The following PXDN variants were observed in gnomAD, a reference collection of about 807,000 sequenced individuals.
PXDN encodes peroxidasin homolog.
In PXDN, 77 loss-of-function variants were observed where a neutral mutation model predicts 140.3. The ratio of observed to expected loss-of-function variants is 0.55; its 90% CI spans 0.46 to 0.66. PXDN has a LOEUF of 0.66. Among genes scored for constraint, PXDN ranks in the 30% least tolerant of loss-of-function variants. PXDN has a pLI of 0.00. For synonymous variants in PXDN, 911 were observed against 857.4 expected, an observed-to-expected ratio of 1.06 and a Z score of -1.09; for missense variants, 1,838 against 2,039.5, an observed-to-expected ratio of 0.90 and a Z score of 1.90.
In PXDN at chr2:1,633,187, CG is replaced by C. The variant is rs1303311481; in HGVS notation, c.*1016del. On this transcript the variant is annotated 3_prime_UTR_variant, in exon 23 of 23. Coordinates refer to ENST00000252804, the MANE Select transcript of PXDN (RefSeq NM_012293.3). ...GATTCTTTTTTTTTTTTTTTTTTAA[CG>C]CACTCACACAACCTGAAGTTAGACA... 3 of 94,068 alleles carry C rather than the reference CG, an allele frequency of 3.2e-5. No individual in the cohort carries two copies. The highest frequency in any genetic ancestry group is 1.2e-4 in the African/African-American group (3 of 25,694). 5.8% of individuals were successfully genotyped at this position (94,068 alleles called of 1,614,324 possible).
At chr2:1,728,895 C>T (rs960397316) in intron 1 of PXDN, among the ~76,000 whole-genome samples, 1 of 152,182 alleles carries the variant, frequency 6.6e-6, no homozygotes, top group Non-Finnish European at 1.5e-5. Context: ...CCTCTAGAAG[C>T]GAGACAGGCC....
chr2:1,640,210 G>T (rs28449810), intron 19 of PXDN, among the ~76,000 whole-genome samples: 26 of 152,268 alleles, frequency 1.7e-4, no homozygotes, highest in Admixed American at 2.6e-4. Context: ...TCCCACCTGG[G>T]CCCTGTGGAC....
At chr2:1,635,341 GTGGTCACA>G in intron 22 of PXDN, 59 bp downstream of exon 22, 2 of 1,373,050 alleles carry the variant, frequency 1.5e-6, no homozygotes, top group South Asian at 1.2e-5. Flanking sequence ...ACCCACCTGA[GTGGTCACA>G]TGGGACTCTC....
At position 1,662,096 on chromosome 2, in the gene PXDN, G is replaced by C; in HGVS notation, c.1656C>G (p.Pro552=). The change falls in exon 13 of 23, where the codon CCC becomes CCG. Residue 552 remains proline, a synonymous_variant. Coordinates refer to ENST00000252804, the MANE Select transcript of PXDN (RefSeq NM_012293.3). ...VQLPCSSQGE[P]EPAITWNKDG... Reference sequence around the variant, plus strand: ...CCTTGTTCCAGGTGATGGCTGGCTCGGGCTCGCCCTGGGAGCTGCACGGGA... The same window carrying C: ...CCTTGTTCCAGGTGATGGCTGGCTCCGGCTCGCCCTGGGAGCTGCACGGGA... 1 of 1,594,342 alleles carries C rather than the reference G, an allele frequency of 6.3e-7. No homozygotes were observed.
chr2:1,727,718 G>A (rs958890396), intron 1 of PXDN, among the ~76,000 whole-genome samples: 10 of 152,160 alleles, frequency 6.6e-5, no homozygotes, highest in Non-Finnish European at 8.8e-5. Flanking sequence ...GTCAATCGCC[G>A]AGAGCCAGCT....
At position 1,687,672 on chromosome 2, in the gene PXDN, C is replaced by A; in HGVS notation, c.376G>T (p.Asp126Tyr). The A allele has an allele frequency of 6.5e-7, 1 of 1,534,002 alleles. No individual in the cohort carries two copies. The highest frequency in any genetic ancestry group is 9.0e-7 in the Non-Finnish European group (1 of 1,110,722). The change falls in exon 4 of 23, where the codon GAC becomes TAC. Residue 126 changes from aspartate (D) to tyrosine (Y), a missense_variant. Physicochemically the swap from Asp to Tyr is radical, Grantham distance 160 (BLOSUM62 -3). Transcript: ENST00000252804. The surrounding 1 kb of genome is among the most constrained non-coding windows in gnomAD (Gnocchi z 4.0). ...GCAAGTCCCTTAAATGCTTGCCTGT[C>A]AATTGACTGGATCTCATTCTTGTAC... The part of the protein sequence containing the change: ...YLYKNEIQSI[D>Y]RQAFKGLASL...
chr2:1,701,164 C>G lies in PXDN; in HGVS notation c.201-8030G>C, dbSNP rs918671838. ...TGGTTTTCCATTAACATTTGCCTGA[C>G]CTAAAATCGCTTCAGTGCTTCCTAC... On this transcript the variant is annotated intron_variant, in intron 1 of 22. Transcript: ENST00000252804. Among the ~76,000 whole-genome samples the G allele has an allele frequency of 5.9e-5, 9 of 152,256 alleles. No homozygotes were observed. In the East Asian group the frequency reaches 1.6e-3, roughly 26 times the overall value.
Position 1,687,350 on chromosome 2 carries a change from T to C in PXDN, c.416+282A>G, listed in dbSNP as rs778159839. Among the ~76,000 whole-genome samples the C allele has an allele frequency of 9.9e-5, 15 of 151,966 alleles. No individual in the cohort carries two copies. The highest frequency in any genetic ancestry group is 4.2e-4 in the South Asian group (2 of 4,814). ...GTGACAGGGATTCCATCGATATTAC[T>C]GTCCTTGGTGTCAGGAAAGCATGGC... On this transcript the variant is annotated intron_variant, in intron 4 of 22. Transcript: ENST00000252804. The surrounding 1 kb of genome is among the most constrained non-coding windows in gnomAD (Gnocchi z 4.0).
intron 1 of PXDN, among the ~76,000 whole-genome samples, chr2:1,720,541 C>A (rs188603391): frequency 6.6e-6 from 1 of 152,010 alleles, no homozygotes; most frequent in Non-Finnish European, 1.5e-5. Flanking sequence ...CCTCGCTCCA[C>A]GCTTTCTCAC....
intron 19 of PXDN, among the ~76,000 whole-genome samples, chr2:1,642,636 G>A (rs1682754777): frequency 6.6e-6 from 1 of 152,192 alleles, no homozygotes; most frequent in Admixed American, 6.5e-5. Flanking sequence ...ATGGGGATCT[G>A]ATCATAGTTT....
At chr2:1,740,891 G>A (rs778691541) in intron 1 of PXDN, among the ~76,000 whole-genome samples, 105 of 152,322 alleles carry the variant, frequency 6.9e-4, no homozygotes, top group Non-Finnish European at 1.1e-3. Context: ...CCATGCGCCT[G>A]CCTGTGGTTT....
chr2:1,707,515 TTTAA>T (rs1684645918), intron 1 of PXDN, among the ~76,000 whole-genome samples: 2 of 152,338 alleles, frequency 1.3e-5, no homozygotes, highest in Non-Finnish European at 1.5e-5. Flanking sequence ...GAAATTATGA[TTTAA>T]TTGTGATATG....
chr2:1,720,613 C>CTCTCTCTGCATCTCTTTCTG (rs1685019317), intron 1 of PXDN, among the ~76,000 whole-genome samples: 2 of 138,946 alleles, frequency 1.4e-5, no homozygotes, highest in African/African-American at 5.2e-5. Context: ...TCAGATACAG[C>CTCTCTCTGCATCTCTTTCTG]TCTCTCTGCA....
At position 1,673,651 on chromosome 2, in the gene PXDN, C is replaced by T. The variant is rs766103863; in HGVS notation, c.1010G>A (p.Gly337Glu). ...KTQEVTLRYF[G>E]SPARPTFVIQ... ...AAATGCCCGCCACATACCTGGAGAC[C>T]CGAAGTACCTGAGGGTCACCTCTTG... is the stretch of plus-strand genomic sequence containing the variant. The change falls in exon 9 of 23, where the codon GGG (glycine) becomes GAG (glutamate). Residue 337 changes from glycine to glutamate, a missense_variant. This residue lies in a region of PXDN where 208 missense variants were observed against 325.8 expected (regional missense o/e 0.64). Transcript: ENST00000252804. The T allele has an allele frequency of 6.2e-7, 1 of 1,610,548 alleles. No individual in the cohort carries two copies. Among genetic ancestry groups the T allele is most frequent in the African/African-American group, 1.3e-5 (1 of 74,962 alleles).
chr2:1,638,781 T>C, intron 21 of PXDN, 65 bp downstream of exon 21: 1 of 1,604,890 alleles, frequency 6.2e-7, no homozygotes, highest in Non-Finnish European at 8.5e-7. Context: ...ACCCAGAAGG[T>C]TCGGGCAGGG....
chr2:1,737,488 G>T (rs1685448508), intron 1 of PXDN, among the ~76,000 whole-genome samples: 1 of 151,962 alleles, frequency 6.6e-6, no homozygotes, highest in African/African-American at 2.4e-5. Context: ...CTATTTTGCT[G>T]TGGCCTTTTG....
chr2:1,644,668 G>T lies in PXDN; in HGVS notation c.3693C>A (p.Thr1231=). The change falls in exon 18 of 23, where the codon ACC becomes ACA. Residue 1231 remains threonine, a synonymous_variant. Coordinates refer to ENST00000252804, the MANE Select transcript of PXDN (RefSeq NM_012293.3). ...ACTGTGTGCTGAGAAGACACATCAG[G>T]GTGGGGCCCAGCCGGCTGCCAGGCA... is the stretch of plus-strand genomic sequence containing the variant. ...DLVPGSRLGP[T]LMCLLSTQFK... 6.2e-7 allele frequency: 1 copy of T among 1,607,048 alleles called. No homozygotes were observed. The highest frequency in any genetic ancestry group is 8.5e-7 in the Non-Finnish European group (1 of 1,175,434).
intron 16 of PXDN, among the ~76,000 whole-genome samples, chr2:1,652,269 T>TA (rs536025312): frequency 1.1e-3 from 168 of 152,212 alleles, no homozygotes; most frequent in Non-Finnish European, 2.1e-3. Flanking sequence ...ATCCTGTAAC[T>TA]AAATGAAGAA....
At chr2:1,734,086 G>A (rs1685376743) in intron 1 of PXDN, among the ~76,000 whole-genome samples, 1 of 152,148 alleles carries the variant, frequency 6.6e-6, no homozygotes, top group Non-Finnish European at 1.5e-5. Context: ...CAAATAAAAT[G>A]TAGGACAACA....
Sources: gnomAD v4.1 joint callset for allele counts (sites outside exome capture counted in the v4.1 genomes callset) on GRCh38, gnomAD v4.1.1 for gene constraint, gnomAD v4.1.1 regional missense constraint, Gnocchi (gnomAD v3.1) non-coding constraint, MANE v1.5 for transcripts, NCBI Gene and HGNC (gene_info 2026-07-23, HGNC 2026-07-21) for gene names.